TUBGCP3: variants seen among roughly 807,000 people sequenced by gnomAD.
TUBGCP3 encodes the protein gamma-tubulin complex component 3.
TUBGCP3 carries 50 observed loss-of-function variants against 123.1 expected under a neutral mutation model. The ratio of observed to expected loss-of-function variants is 0.41; its 90% confidence interval spans 0.32 to 0.51. TUBGCP3 has a LOEUF of 0.51. Ranked by LOEUF, TUBGCP3 falls within the 20% of genes least tolerant of loss-of-function variation. TUBGCP3 has a pLI of 0.36. For synonymous variants in TUBGCP3, 405 were observed against 413.9 expected, an observed-to-expected ratio of 0.98 and a Z score of 0.26; for missense variants, 882 against 1,127.0, an observed-to-expected ratio of 0.78 and a Z score of 3.11.
chr13:112,586,887 G>A (rs985914745), intron 1 of TUBGCP3, among the ~76,000 whole-genome samples: 21 of 152,152 alleles, frequency 1.4e-4, no homozygotes, highest in Non-Finnish European at 2.6e-4. Flanking sequence ...AGAACTGTGT[G>A]AAGTCACTCA....
intron 1 of TUBGCP3, among the ~76,000 whole-genome samples, chr13:112,570,116 C>G (rs1192833594): frequency 7.0e-6 from 1 of 143,626 alleles, no homozygotes; most frequent in Non-Finnish European, 1.5e-5. Flanking sequence ...CCCACGCTGC[C>G]AGACAACCAC....
chr13:112,517,654 A>G (rs1443715054), intron 16 of TUBGCP3, among the ~76,000 whole-genome samples: 1 of 152,128 alleles, frequency 6.6e-6, no homozygotes, highest in Non-Finnish European at 1.5e-5. Flanking sequence ...GCACTTTGGG[A>G]GGGAGGCAGG....
At chr13:112,502,700 CACACCTGGCTAATTTTTTGTATTTTTA>C (rs1881012972) in intron 19 of TUBGCP3, among the ~76,000 whole-genome samples, 1 of 151,862 alleles carries the variant, frequency 6.6e-6, no homozygotes, top group African/African-American at 2.4e-5. Context: ...TGTCCACCAC[CACACCTGGCTAATTTTTTGTATTTTTA>C]GTAGAGACGG....
intron 21 of TUBGCP3, among the ~76,000 whole-genome samples, chr13:112,488,078 G>A (rs1226127094): frequency 1.4e-5 from 2 of 147,964 alleles, no homozygotes; most frequent in African/African-American, 5.1e-5. Flanking sequence ...ATTGCAGTGA[G>A]CCAAGATCAC....
At chr13:112,589,921 G>A (rs1464521474), upstream of TUBGCP3, among the ~76,000 whole-genome samples, 1 of 152,066 alleles carries the variant, frequency 6.6e-6, no homozygotes, top group Non-Finnish European at 1.5e-5. Flanking sequence ...TGGCACATGC[G>A]CTTCTGAGAC....
intron 11 of TUBGCP3, among the ~76,000 whole-genome samples, chr13:112,534,649 C>T (rs1237100069): frequency 6.6e-6 from 1 of 152,180 alleles, no homozygotes; most frequent in African/African-American, 2.4e-5. Flanking sequence ...CGCTCGGCGA[C>T]GCCATGGTGA....
intron 17 of TUBGCP3, among the ~76,000 whole-genome samples, chr13:112,505,137 C>T (rs978115004): frequency 3.9e-5 from 6 of 152,140 alleles, no homozygotes; most frequent in Non-Finnish European, 8.8e-5. Context: ...CTTTAAGGAA[C>T]CGACTGTGGC....
chr13:112,557,398 A>G (rs7321448), intron 5 of TUBGCP3, among the ~76,000 whole-genome samples: 22,966 of 152,178 alleles, frequency 0.15, 2,041 homozygotes, highest in Non-Finnish European at 0.21. Context: ...TAAATCACAA[A>G]ATGATTTATA....
At chr13:112,498,925 G>A (rs1014501469) in intron 20 of TUBGCP3, 120 bp downstream of exon 20, 9 of 1,613,860 alleles carry the variant, frequency 5.6e-6, no homozygotes, top group African/African-American at 5.3e-5. Context: ...CGCAGTATAG[G>A]CACATCTCAA....
At chr13:112,581,573 G>A (rs1461663830) in intron 1 of TUBGCP3, among the ~76,000 whole-genome samples, 3 of 151,864 alleles carry the variant, frequency 2.0e-5, no homozygotes, top group Non-Finnish European at 4.4e-5. Flanking sequence ...AGCCTCCCAA[G>A]TAGCTGGGAC....
chr13:112,604,658 G>T, the TUBGCP3 span: 1 of 152,120 alleles, frequency 6.6e-6, no homozygotes, highest in African/African-American at 2.4e-5. Flanking sequence ...GATAATAAAT[G>T]TGCATTGAAA....
intron 8 of TUBGCP3, among the ~76,000 whole-genome samples, chr13:112,549,129 T>C (rs1027582577): frequency 2.5e-4 from 38 of 152,214 alleles, no homozygotes; most frequent in African/African-American, 9.2e-4. Flanking sequence ...ATGTGGCACA[T>C]ATACACCATG....
intron 1 of TUBGCP3, among the ~76,000 whole-genome samples, chr13:112,580,464 CA>C (rs200190346): frequency 6.9e-6 from 1 of 144,768 alleles, no homozygotes; most frequent in Non-Finnish European, 1.5e-5. Flanking sequence ...AGATCCTTCT[CA>C]AAAAAAAAAT....
chr13:112,576,741 T>C (rs1881844147), intron 1 of TUBGCP3, among the ~76,000 whole-genome samples: 1 of 151,894 alleles, frequency 6.6e-6, no homozygotes, highest in African/African-American at 2.4e-5. Context: ...CATATCAAAA[T>C]ATGTGAGATG....
At chr13:112,589,821 C>T (rs1328673376), upstream of TUBGCP3, among the ~76,000 whole-genome samples, 1 of 152,122 alleles carries the variant, frequency 6.6e-6, no homozygotes, top group Non-Finnish European at 1.5e-5. Flanking sequence ...AAGATCAAAC[C>T]ATTTTGGCCT....
chr13:112,553,476 G>A (rs541127879), intron 8 of TUBGCP3, among the ~76,000 whole-genome samples: 44 of 152,366 alleles, frequency 2.9e-4, no homozygotes, highest in Non-Finnish European at 6.2e-4. Flanking sequence ...CTGGACAGTG[G>A]AGATGCCACG....
At chr13:112,501,917 A>C (rs1363430766) in intron 19 of TUBGCP3, among the ~76,000 whole-genome samples, 2 of 152,206 alleles carry the variant, frequency 1.3e-5, no homozygotes, top group Non-Finnish European at 2.9e-5. Flanking sequence ...AAAAGCTATG[A>C]CAATTTATCT....
chr13:112,517,052 C>T (rs530756896), intron 16 of TUBGCP3, among the ~76,000 whole-genome samples: 3 of 152,120 alleles, frequency 2.0e-5, no homozygotes, highest in African/African-American at 7.2e-5. Context: ...AGTCTCACTC[C>T]GTCACCCAGG....
intron 8 of TUBGCP3, among the ~76,000 whole-genome samples, chr13:112,548,756 C>T (rs922829143): frequency 9.9e-5 from 15 of 152,232 alleles, no homozygotes; most frequent in African/African-American, 3.4e-4. Flanking sequence ...CACTGGCCAT[C>T]AGAGACATGC....
Sources: allele counts gnomAD v4.1 joint callset (sites outside exome capture counted in the v4.1 genomes callset), GRCh38; gene constraint gnomAD v4.1.1; transcripts MANE v1.5; gene names NCBI Gene and HGNC (gene_info 2026-07-23, HGNC 2026-07-21).